Variants in OSBPL10 observed in about 807,000 individuals in gnomAD.
OSBPL10 encodes oxysterol binding protein like 10.
In OSBPL10, 49 loss-of-function variants were observed where a neutral mutation model predicts 81.7. The observed-to-expected ratio is 0.60, with a 90% CI of 0.48 to 0.76. The LOEUF (loss-of-function observed/expected upper bound fraction) is 0.76, where lower values mean the gene tolerates loss of function less well. Among genes scored for constraint, OSBPL10 ranks in the 30% least tolerant of loss-of-function variants. The pLI, the probability that OSBPL10 is intolerant of heterozygous loss-of-function variation, is 0.00. For missense variants in OSBPL10, 923 were observed against 987.8 expected, an observed-to-expected ratio of 0.93 and a Z score of 0.88; for synonymous variants, 419 against 383.6, an observed-to-expected ratio of 1.09 and a Z score of -1.08.
intron 4 of OSBPL10, among the ~76,000 whole-genome samples, chr3:31,748,469 T>A (rs1182209568): frequency 6.6e-6 from 1 of 152,100 alleles, no homozygotes; most frequent in Non-Finnish European, 1.5e-5. Context: ...CGGAAGGTTA[T>A]CTGAGACAGC....
At chr3:31,890,872 T>C (rs1695874484) in intron 1 of OSBPL10, among the ~76,000 whole-genome samples, 1 of 152,140 alleles carries the variant, frequency 6.6e-6, no homozygotes. Context: ...GGAAATGAGC[T>C]AAGTCCTGAT....
At chr3:31,739,603 G>A (rs1029446863) in intron 5 of OSBPL10, among the ~76,000 whole-genome samples, 1 of 152,186 alleles carries the variant, frequency 6.6e-6, no homozygotes, top group African/African-American at 2.4e-5. Flanking sequence ...ACCAGAGCTC[G>A]GTTGCCCTCC....
At chr3:31,827,191 G>T (rs1330155559) in intron 4 of OSBPL10, among the ~76,000 whole-genome samples, 1 of 151,840 alleles carries the variant, frequency 6.6e-6, no homozygotes, top group Non-Finnish European at 1.5e-5. Flanking sequence ...GGAATTACAG[G>T]TGCATGCCAC....
chr3:31,792,860 CTG>C (rs6147757), intron 4 of OSBPL10, among the ~76,000 whole-genome samples: 4,430 of 126,444 alleles, frequency 0.035, 98 homozygotes, highest in African/African-American at 0.056. Flanking sequence ...TCTAGGCACT[CTG>C]TGTGTGTGTG....
At chr3:32,038,877 G>A (rs1699544270) in intron 2 of OSBPL10, among the ~76,000 whole-genome samples, 1 of 152,116 alleles carries the variant, frequency 6.6e-6, no homozygotes, top group Non-Finnish European at 1.5e-5. Flanking sequence ...TCCTAGGCAA[G>A]AAAAGTAAAA....
At chr3:31,700,165 G>T (rs566436542) in intron 7 of OSBPL10, 40 of 152,294 alleles carry the variant, frequency 2.6e-4, no homozygotes, top group Non-Finnish European at 3.8e-4. Flanking sequence ...ATAAACTATA[G>T]ACAGGAAACG....
chr3:31,847,766 G>C (rs1444243705), intron 3 of OSBPL10, among the ~76,000 whole-genome samples: 1 of 152,102 alleles, frequency 6.6e-6, no homozygotes, highest in Non-Finnish European at 1.5e-5. Flanking sequence ...ACAGCAGAAA[G>C]AACAGCCAAG....
At chr3:31,866,499 T>G (rs1342625954) in intron 3 of OSBPL10, among the ~76,000 whole-genome samples, 1 of 152,174 alleles carries the variant, frequency 6.6e-6, no homozygotes, top group African/African-American at 2.4e-5. Context: ...AACCAACCAG[T>G]GTCAGCCAGG....
chr3:31,691,937 A>G (rs1695568306), intron 7 of OSBPL10, among the ~76,000 whole-genome samples: 1 of 152,178 alleles, frequency 6.6e-6, no homozygotes, highest in South Asian at 2.1e-4. Context: ...TCACACTGCA[A>G]AAGGTTTCTT....
chr3:31,935,514 A>ATT, intron 1 of OSBPL10, among the ~76,000 whole-genome samples: 1 of 144,450 alleles, frequency 6.9e-6, no homozygotes, highest in African/African-American at 2.5e-5. Flanking sequence ...TATGAAATAG[A>ATT]TTTTTTTTTT....
intron 4 of OSBPL10, among the ~76,000 whole-genome samples, chr3:31,749,786 GC>G (rs1697655426): frequency 6.6e-6 from 1 of 152,058 alleles, no homozygotes; most frequent in Non-Finnish European, 1.5e-5. Flanking sequence ...CTGTGCTCCA[GC>G]CTGGGTGACA....
chr3:31,702,946 A>C (rs1445950306), intron 6 of OSBPL10, among the ~76,000 whole-genome samples: 7 of 152,202 alleles, frequency 4.6e-5, no homozygotes, highest in Admixed American at 2.6e-4. Context: ...AGGGACTAAA[A>C]TTATTTATGG....
chr3:31,991,021 A>C, intron 2 of OSBPL10: 1 of 1,507,950 alleles, frequency 6.6e-7, no homozygotes, highest in Non-Finnish European at 8.9e-7. Context: ...TTCCTGAGAT[A>C]ATTGTTCCAA....
chr3:31,841,365 C>T (rs1248554252), intron 3 of OSBPL10, among the ~76,000 whole-genome samples: 1 of 152,178 alleles, frequency 6.6e-6, no homozygotes, highest in Admixed American at 6.5e-5. Context: ...CAAAGGAAAG[C>T]GCCTGACTCA....
chr3:31,811,643 T>C (rs1412709353), intron 4 of OSBPL10, among the ~76,000 whole-genome samples: 1 of 152,154 alleles, frequency 6.6e-6, no homozygotes, highest in East Asian at 1.9e-4. Flanking sequence ...TAACAGGATA[T>C]ATCAAGTCCA....
chr3:31,681,363 A>G (rs1243915760), intron 8 of OSBPL10, among the ~76,000 whole-genome samples: 1 of 152,206 alleles, frequency 6.6e-6, no homozygotes, highest in African/African-American at 2.4e-5. Flanking sequence ...CTAACAGAGA[A>G]GTGGAACCCA....
chr3:31,849,395 C>A (rs1291362808), intron 3 of OSBPL10, among the ~76,000 whole-genome samples: 5 of 152,136 alleles, frequency 3.3e-5, no homozygotes, highest in Admixed American at 3.3e-4. Context: ...GTCCAATCCT[C>A]CTTTTTAGCG....
chr3:31,667,204 A>C (rs1311351558), intron 10 of OSBPL10, among the ~76,000 whole-genome samples: 1 of 152,270 alleles, frequency 6.6e-6, no homozygotes, highest in Non-Finnish European at 1.5e-5. Context: ...GGAATGCTTC[A>C]TCAGAGGCAG....
intron 4 of OSBPL10, among the ~76,000 whole-genome samples, chr3:31,759,326 G>A (rs992579561): frequency 1.3e-5 from 2 of 152,112 alleles, no homozygotes; most frequent in African/African-American, 2.4e-5. Flanking sequence ...TGCAGATCGA[G>A]TAGCACTTAC....
Sources: gnomAD v4.1 joint callset for allele counts (sites outside exome capture counted in the v4.1 genomes callset) on GRCh38, gnomAD v4.1.1 for gene constraint, MANE v1.5 for transcripts, NCBI Gene and HGNC (gene_info 2026-07-23, HGNC 2026-07-21) for gene names.